The following ASTN2 variants were observed in gnomAD, a reference collection of about 807,000 sequenced individuals.
ASTN2 encodes astrotactin 2.
In ASTN2, 54 loss-of-function variants were observed where a neutral mutation model predicts 139.8. The ratio of observed to expected loss-of-function variants is 0.39; its 90% confidence interval spans 0.31 to 0.48. The LOEUF (loss-of-function observed/expected upper bound fraction) is 0.48. Ranked by LOEUF, ASTN2 falls within the 20% of genes least tolerant of loss-of-function variation. The pLI, the probability that ASTN2 is intolerant of heterozygous loss-of-function variation, is 0.95. For synonymous variants in ASTN2, 756 were observed against 719.5 expected (o/e 1.05, Z -0.81); for missense variants, 1,565 against 1,725.1 (o/e 0.91, Z 1.64).
At chr9:117,265,186 C>G (rs1345748768) in intron 2 of ASTN2, among the ~76,000 whole-genome samples, 1 of 151,996 alleles carries the variant, frequency 6.6e-6, no homozygotes, top group Non-Finnish European at 1.5e-5. Flanking sequence ...TCAGAAATAA[C>G]TATTAGAGGA....
At position 116,996,646 on chromosome 9, in the gene ASTN2, C is replaced by G. The variant is rs557864247; in HGVS notation, c.1591+11446G>C. ...ATTGTCCCATGCAGAAGAAACAGCA[C>G]CATCACTAACTCTATTACATTGGCT... On this transcript the variant is annotated intron_variant, in intron 7 of 22. Transcript: ENST00000313400. Among the ~76,000 whole-genome samples, 8 of 152,182 alleles carry G rather than the reference C, an allele frequency of 5.3e-5. No individual in the cohort carries two copies. In the South Asian group the frequency reaches 1.7e-3, roughly 32 times the overall value.
At chr9:116,917,469 A>G (rs149142288) in intron 10 of ASTN2, among the ~76,000 whole-genome samples, 1 of 152,210 alleles carries the variant, frequency 6.6e-6, no homozygotes, top group African/African-American at 2.4e-5. Flanking sequence ...TGAATAAACA[A>G]ATGCGTTAAA....
chr9:117,133,134 G>A (rs527639314), intron 4 of ASTN2, among the ~76,000 whole-genome samples: 9 of 152,284 alleles, frequency 5.9e-5, no homozygotes, highest in African/African-American at 1.9e-4. Context: ...TCAATTGTAT[G>A]TATCATCAAA....
intron 4 of ASTN2, among the ~76,000 whole-genome samples, chr9:117,127,558 T>C (rs1466721660): frequency 6.6e-6 from 1 of 152,134 alleles, no homozygotes; most frequent in Admixed American, 6.5e-5. Flanking sequence ...ACAGCAGATT[T>C]TTACAATAGA....
chr9:116,905,867 G>T (rs10983401), intron 10 of ASTN2, among the ~76,000 whole-genome samples: 7,822 of 38,198 alleles, frequency 0.2, 201 homozygotes, highest in East Asian at 0.41. Flanking sequence ...TTTTTTTTTT[G>T]GGGGGGGGTG....
At chr9:117,186,518 G>A (rs112368286) in intron 3 of ASTN2, among the ~76,000 whole-genome samples, 23 of 152,120 alleles carry the variant, frequency 1.5e-4, no homozygotes, top group African/African-American at 5.5e-4. Flanking sequence ...CTGCACTCCA[G>A]CCTGGGCAAC....
intron 6 of ASTN2, among the ~76,000 whole-genome samples, chr9:117,017,532 G>A (rs1375413403): frequency 2.0e-5 from 3 of 152,160 alleles, no homozygotes; most frequent in African/African-American, 4.8e-5. Context: ...GTTGCTGTAC[G>A]ATTCTAGAAC....
chr9:116,919,597 C>A (rs577627600), intron 10 of ASTN2, among the ~76,000 whole-genome samples: 160 of 151,706 alleles, frequency 1.1e-3, no homozygotes, highest in African/African-American at 3.7e-3. Flanking sequence ...CTCTGATGAC[C>A]ACAGAACAAT....
Position 117,075,073 on chromosome 9 carries a change from T to C in ASTN2, c.1276+20971A>G, listed in dbSNP as rs374384591. 1.4e-3 allele frequency among the ~76,000 whole-genome samples: 208 copies of C among 152,282 alleles called. 3 individuals carry two copies. The highest frequency in any genetic ancestry group is 4.6e-3 in the African/African-American group (192 of 41,550). On this transcript the variant is annotated intron_variant, in intron 5 of 22. Transcript: ENST00000313400. ...GAGACACCAAAGGTATCTAAGGGAA[T>C]AACACAATCTAACAAATGTTTTCAG...
chr9:116,961,646 T>C (rs567705559), intron 10 of ASTN2, among the ~76,000 whole-genome samples: 2 of 152,192 alleles, frequency 1.3e-5, no homozygotes, highest in Non-Finnish European at 2.9e-5. Flanking sequence ...AACACTGCTA[T>C]CAGTCTCATA....
At chr9:117,346,789 G>T (rs1829233544) in intron 1 of ASTN2, among the ~76,000 whole-genome samples, 1 of 151,920 alleles carries the variant, frequency 6.6e-6, no homozygotes, top group Non-Finnish European at 1.5e-5. Context: ...TACAGACATG[G>T]GTTCAAATCC....
At chr9:117,071,813 G>T (rs1828139265) in intron 5 of ASTN2, among the ~76,000 whole-genome samples, 1 of 151,940 alleles carries the variant, frequency 6.6e-6, no homozygotes, top group African/African-American at 2.4e-5. Context: ...CTCGGAAAGG[G>T]AACTCCCTGA....
At chr9:116,476,366 A>T (rs1206744316) in intron 20 of ASTN2, among the ~76,000 whole-genome samples, 2 of 152,092 alleles carry the variant, frequency 1.3e-5, no homozygotes, top group Admixed American at 6.5e-5. Context: ...GTAGATGTGA[A>T]TTTTTCAAGG....
intron 16 of ASTN2, among the ~76,000 whole-genome samples, chr9:116,690,471 T>A (rs929685466): frequency 6.6e-6 from 1 of 152,208 alleles, no homozygotes; most frequent in Non-Finnish European, 1.5e-5. Flanking sequence ...GGAGAATAGT[T>A]GGAAGCCAGA....
chr9:116,979,189 C>CG (rs1278421165), intron 7 of ASTN2, among the ~76,000 whole-genome samples: 1 of 151,988 alleles, frequency 6.6e-6, no homozygotes, highest in African/African-American at 2.4e-5. Context: ...GCTGCCTGAA[C>CG]AAAAATGGTA....
At chr9:117,302,528 C>T (rs545377982) in intron 1 of ASTN2, among the ~76,000 whole-genome samples, 1 of 152,220 alleles carries the variant, frequency 6.6e-6, no homozygotes, top group South Asian at 2.1e-4. Flanking sequence ...AATGCCAGGG[C>T]CCCTTCCAAC....
At chr9:116,673,254 T>C (rs145680998) in intron 16 of ASTN2, among the ~76,000 whole-genome samples, 1,723 of 152,334 alleles carry the variant, frequency 0.011, 33 homozygotes, top group Non-Finnish European at 0.018. Flanking sequence ...GCTTTGTTTG[T>C]GGGTTTTGTC....
At chr9:116,681,571 A>C (rs1346810940) in intron 16 of ASTN2, among the ~76,000 whole-genome samples, 1 of 152,246 alleles carries the variant, frequency 6.6e-6, no homozygotes, top group African/African-American at 2.4e-5. Context: ...TGCCAAGTCA[A>C]TCCTAAGCCA....
At chr9:116,727,384 A>C (rs944396115) in intron 15 of ASTN2, among the ~76,000 whole-genome samples, 8 of 152,218 alleles carry the variant, frequency 5.3e-5, no homozygotes, top group Non-Finnish European at 1.0e-4. Flanking sequence ...CCAGCATTAA[A>C]AGTGAGCTCC....
Sources: allele counts gnomAD v4.1 joint callset (sites outside exome capture counted in the v4.1 genomes callset), GRCh38; gene constraint gnomAD v4.1.1; transcripts MANE v1.5; gene names NCBI Gene and HGNC (gene_info 2026-07-23, HGNC 2026-07-21).